PAX2: variants seen among roughly 807,000 people sequenced by gnomAD.
PAX2 encodes the protein paired box protein Pax-2.
In PAX2, 9 loss-of-function variants were observed where a neutral mutation model predicts 41.7. The ratio of observed to expected loss-of-function variants is 0.22; its 90% CI spans 0.13 to 0.38. The LOEUF is 0.38. Among genes scored for constraint, PAX2 ranks in the 10% least tolerant of loss-of-function variants. PAX2 has a pLI of 1.00. For missense variants in PAX2, 418 were observed against 531.6 expected (o/e 0.79, Z 2.10); for synonymous variants, 221 against 212.7 (o/e 1.04, Z -0.34).
upstream of PAX2, among the ~76,000 whole-genome samples, chr10:100,742,485 GC>G (rs1844995957): frequency 6.6e-6 from 1 of 152,200 alleles, no homozygotes; most frequent in Non-Finnish European, 1.5e-5. Flanking sequence ...GCCTGGGCAA[GC>G]CTGGCAGGGA....
At chr10:100,787,517 G>A (rs1214826619) in intron 5 of PAX2, among the ~76,000 whole-genome samples, 1 of 152,158 alleles carries the variant, frequency 6.6e-6, no homozygotes, top group Non-Finnish European at 1.5e-5. Flanking sequence ...CCCAGGGGCA[G>A]CTCTTGGCAA....
Position 100,824,849 on chromosome 10 carries a change from C to A in PAX2, c.1021+100C>A. ...AGTCTGAGGCTGGGGTGGGGGGAGA[C>A]ACAACGTCCCCTCCCTGCAAACCAC... On this transcript the variant is annotated intron_variant, in intron 8 of 9. Transcript: ENST00000355243. The surrounding 1 kb of genome is among the most constrained non-coding windows in gnomAD (Gnocchi z 6.6). The A allele has an allele frequency of 6.5e-7, 1 of 1,537,584 alleles. No homozygotes were observed. Among genetic ancestry groups the A allele is most frequent in the Non-Finnish European group, 9.0e-7 (1 of 1,110,142 alleles).
chr10:100,757,539 G>A (rs926782790), intron 3 of PAX2, among the ~76,000 whole-genome samples: 1 of 152,192 alleles, frequency 6.6e-6, no homozygotes, highest in Admixed American at 6.5e-5. Context: ...AGCCCTGTTG[G>A]CAGGATTAGT....
intron 5 of PAX2, among the ~76,000 whole-genome samples, chr10:100,788,876 C>T (rs1160171640): frequency 2.0e-5 from 3 of 152,002 alleles, no homozygotes; most frequent in Admixed American, 6.6e-5. Context: ...ACACCCCCCC[C>T]GACACACATA....
At chr10:100,819,780 C>G (rs1038880674) in intron 7 of PAX2, among the ~76,000 whole-genome samples, 5 of 152,178 alleles carry the variant, frequency 3.3e-5, no homozygotes, top group Middle Eastern at 3.2e-3. Context: ...TACCTGATGA[C>G]TACAATTTTT....
At position 100,750,632 on chromosome 10, in the gene PAX2, T is replaced by G; in HGVS notation, c.213-62T>G. On this transcript the variant is annotated intron_variant, in intron 2 of 9. Transcript: ENST00000355243. The surrounding 1 kb of genome is among the most constrained non-coding windows in gnomAD (Gnocchi z 4.1). ...AGAGTGGCTCAGCAGCTCTGGAACCTGCAGCCCCCCTGCCCCGCCACAGTC... is the reference window on the plus strand; with the variant it reads ...AGAGTGGCTCAGCAGCTCTGGAACCGGCAGCCCCCCTGCCCCGCCACAGTC... 1 of 1,449,646 alleles carries G rather than the reference T, an allele frequency of 6.9e-7. No individual in the cohort carries two copies. Among genetic ancestry groups the G allele is most frequent in the East Asian group, 2.3e-5 (1 of 43,384 alleles). 89.8% of individuals were successfully genotyped at this position (1,449,646 alleles called of 1,614,324 possible). A position where few individuals can be genotyped will look rare whatever the true frequency, so the allele number is the denominator to read the frequency against.
chr10:100,819,796 T>G (rs1036436849), intron 7 of PAX2, among the ~76,000 whole-genome samples: 2 of 152,210 alleles, frequency 1.3e-5, no homozygotes, highest in African/African-American at 2.4e-5. Context: ...TTTTTCAACT[T>G]TCTTAATAAA....
chr10:100,755,884 G>A lies in PAX2; in HGVS notation c.410+4993G>A, dbSNP rs572742749. Among the ~76,000 whole-genome samples the A allele has an allele frequency of 1.3e-3, 199 of 152,294 alleles. 1 individual carries two copies. The highest frequency in any genetic ancestry group is 4.7e-3 in the African/African-American group (194 of 41,566). ...AGGGAAACAGGGGTGCCTGGAGTAG[G>A]GGAGATTAGGGAAGGGGTGGAGATG... On this transcript the variant is annotated intron_variant, in intron 3 of 9. Coordinates refer to ENST00000355243, the MANE Select transcript of PAX2 (RefSeq NM_000278.5).
In PAX2 at chr10:100,737,398, C is replaced by G. The variant is rs540197773; in HGVS notation, c.25+1665C>G. Among the ~76,000 whole-genome samples, 459 of 152,374 alleles carry G rather than the reference C, an allele frequency of 3.0e-3. 3 individuals carry two copies. The highest frequency in any genetic ancestry group is 0.02 in the Middle Eastern group (6 of 294). ...GGCGCCTGCACCTACTTGGGCCTGACGGGTTAGGGCGGCCGCTTACCCGGC... is the reference window on the plus strand; with the variant it reads ...GGCGCCTGCACCTACTTGGGCCTGAGGGGTTAGGGCGGCCGCTTACCCGGC... On this transcript the variant is annotated intron_variant, in intron 1 of 9. Coordinates refer to the PAX2 transcript ENST00000679374.
Position 100,750,597 on chromosome 10 carries a change from G to A in PAX2, c.213-97G>A. 1 of 1,102,920 alleles carries A rather than the reference G, an allele frequency of 9.1e-7. No homozygotes were observed. The highest frequency in any genetic ancestry group is 1.3e-6 in the Non-Finnish European group (1 of 742,094). The allele number at this position is 1,102,920 out of a possible 1,614,324, so 68.3% of individuals were successfully genotyped here. ...CTTTTCCCTCCACTCCGCTGCCTCG[G>A]CCGGGCAGGAGAGTGGCTCAGCAGC... On this transcript the variant is annotated intron_variant, in intron 2 of 9. Transcript: ENST00000355243. The surrounding 1 kb of genome is among the most constrained non-coding windows in gnomAD (Gnocchi z 4.1).
intron 1 of PAX2, among the ~76,000 whole-genome samples, chr10:100,739,949 C>A (rs1209083887): frequency 6.6e-6 from 1 of 152,218 alleles, no homozygotes; most frequent in African/African-American, 2.4e-5. Flanking sequence ...CACAAACCAG[C>A]CTCTTCAGGC....
intron 3 of PAX2, among the ~76,000 whole-genome samples, chr10:100,758,710 A>T (rs1014813794): frequency 6.6e-6 from 1 of 151,034 alleles, no homozygotes; most frequent in South Asian, 2.1e-4. Flanking sequence ...ATTTTAAAAA[A>T]CTCTCTGCTG....
At chr10:100,797,544 T>C (rs979702757) in intron 5 of PAX2, among the ~76,000 whole-genome samples, 4 of 152,248 alleles carry the variant, frequency 2.6e-5, no homozygotes, top group Non-Finnish European at 5.9e-5. Context: ...TGATATATAC[T>C]AAGCACTTAA....
chr10:100,748,092 C>A lies in PAX2; in HGVS notation c.44-1654C>A. 1 of 985,010 alleles carries A rather than the reference C, an allele frequency of 1.0e-6. No individual in the cohort carries two copies. The highest frequency in any genetic ancestry group is 1.2e-6 in the Non-Finnish European group (1 of 829,864). 61.0% of individuals were successfully genotyped at this position (985,010 alleles called of 1,614,324 possible). A position where few individuals can be genotyped will look rare whatever the true frequency, so the allele number is the denominator to read the frequency against. On this transcript the variant is annotated intron_variant, in intron 1 of 9. Coordinates refer to ENST00000355243, the MANE Select transcript of PAX2 (RefSeq NM_000278.5). This position sits in a 1 kb window ranked among gnomAD's most constrained non-coding sequence, Gnocchi z 5.0. Reference sequence around the variant, plus strand: ...TTCCAGGCCCGACTCAGCGCCGACTCGCTGCAGTCCCCCAGCCCTGGACTC... The same window carrying A: ...TTCCAGGCCCGACTCAGCGCCGACTAGCTGCAGTCCCCCAGCCCTGGACTC...
chr10:100,779,910 C>G (rs1846545355), intron 4 of PAX2, among the ~76,000 whole-genome samples: 1 of 152,022 alleles, frequency 6.6e-6, no homozygotes, highest in African/African-American at 2.4e-5. Context: ...TTCCCTCTCC[C>G]TCATTCTCCA....
Position 100,824,867 on chromosome 10 carries a change from C to A in PAX2, c.1021+118C>A, listed in dbSNP as rs1459658569. 2.5e-6 allele frequency: 4 copies of A among 1,587,046 alleles called. No individual in the cohort carries two copies. The highest frequency in any genetic ancestry group is 1.7e-5 in the Admixed American group (1 of 59,974). ...GGGGAGACACAACGTCCCCTCCCTG[C>A]AAACCACTGCTATTCTGTCCCTCTC... On this transcript the variant is annotated intron_variant, in intron 8 of 9. Coordinates refer to ENST00000355243, the MANE Select transcript of PAX2 (RefSeq NM_000278.5). The surrounding 1 kb of genome is among the most constrained non-coding windows in gnomAD (Gnocchi z 6.6).
chr10:100,749,388 CT>C, intron 1 of PAX2: 1 of 1,096,998 alleles, frequency 9.1e-7, no homozygotes, highest in Non-Finnish European at 1.1e-6. Context: ...CTGCCAGGCC[CT>C]TCCTCTCCTC....
chr10:100,828,619 T>C lies in PAX2; in HGVS notation c.*1000T>C, dbSNP rs912593141. 235 of 233,130 alleles carry C rather than the reference T, an allele frequency of 1.0e-3. 1 individual carries two copies. Among genetic ancestry groups the C allele is most frequent in the Non-Finnish European group, 1.9e-4 (23 of 118,110 alleles). 14.4% of individuals were successfully genotyped at this position (233,130 alleles called of 1,614,324 possible). ...ACTGGGGTCTTCCTCCAGCAGTTAC[T>C]TGATGCCCCCTCCCCCGACACAGAC... On this transcript the variant is annotated 3_prime_UTR_variant, in exon 10 of 10. Transcript: ENST00000355243. The surrounding 1 kb of genome is among the most constrained non-coding windows in gnomAD (Gnocchi z 6.5).
chr10:100,756,607 A>G (rs1295586463), intron 3 of PAX2, among the ~76,000 whole-genome samples: 1 of 152,206 alleles, frequency 6.6e-6, no homozygotes, highest in Non-Finnish European at 1.5e-5. Context: ...CTGACCTATG[A>G]TGTTCCATAG....
Sources: allele counts gnomAD v4.1 joint callset (sites outside exome capture counted in the v4.1 genomes callset), GRCh38; gene constraint gnomAD v4.1.1; non-coding constraint Gnocchi (gnomAD v3.1); transcripts MANE v1.5; gene names NCBI Gene and HGNC (gene_info 2026-07-23, HGNC 2026-07-21).